The following NEBL variants were observed in gnomAD, a reference collection of about 807,000 sequenced individuals.
The protein encoded by NEBL is LIM and SH3 protein 2.
NEBL carries 122 observed loss-of-function variants against 140.2 expected under a neutral mutation model. That is an observed-to-expected ratio of 0.87 (90% confidence interval 0.75 to 1.01). The LOEUF (loss-of-function observed/expected upper bound fraction) is 1.01, where lower values mean the gene tolerates loss of function less well. Among genes scored for constraint, NEBL ranks in the 50% least tolerant of loss-of-function variants. NEBL has a pLI of 0.00. For synonymous variants in NEBL, 436 were observed against 398.9 expected (o/e 1.09, Z -1.11); for missense variants, 1,365 against 1,231.3 (o/e 1.11, Z -1.62).
At chr10:21,007,678 A>G (rs1396307070) in intron 3 of NEBL, among the ~76,000 whole-genome samples, 1 of 152,228 alleles carries the variant, frequency 6.6e-6, no homozygotes, top group Non-Finnish European at 1.5e-5. Flanking sequence ...GCAAAGGACA[A>G]AGATGAAAAC....
At chr10:21,111,940 A>C (rs653038) in intron 2 of NEBL, among the ~76,000 whole-genome samples, 1 of 152,300 alleles carries the variant, frequency 6.6e-6, no homozygotes. Context: ...GATATGAACA[A>C]ACACTTCTCA....
chr10:20,926,340 T>C (rs1201978633), intron 4 of NEBL, among the ~76,000 whole-genome samples: 1 of 152,250 alleles, frequency 6.6e-6, no homozygotes, highest in African/African-American at 2.4e-5. Flanking sequence ...CAATCCTTTA[T>C]AAAACTTGAC....
intron 11 of NEBL, among the ~76,000 whole-genome samples, chr10:20,846,602 G>A (rs1280817368): frequency 1.3e-5 from 2 of 152,026 alleles, no homozygotes; most frequent in Non-Finnish European, 2.9e-5. Context: ...CAAAAACAAC[G>A]ACTAGAAACT....
chr10:21,224,524 G>T (rs1842118089), intron 3 of NEBL, among the ~76,000 whole-genome samples: 1 of 152,064 alleles, frequency 6.6e-6, no homozygotes, highest in Non-Finnish European at 1.5e-5. Context: ...TACATTTTAA[G>T]ATTTTTTTTT....
At chr10:21,035,173 T>C (rs181303810) in intron 2 of NEBL, among the ~76,000 whole-genome samples, 2,445 of 152,088 alleles carry the variant, frequency 0.016, 59 homozygotes, top group African/African-American at 0.056. Context: ...AATTTTTGTA[T>C]TTTTAGCTGA....
intron 3 of NEBL, among the ~76,000 whole-genome samples, chr10:21,241,550 C>T (rs962895751): frequency 6.6e-6 from 1 of 152,148 alleles, no homozygotes; most frequent in African/African-American, 2.4e-5. Flanking sequence ...GAAAAATGTT[C>T]TTAGTGTATA....
At chr10:21,107,149 CT>C (rs1837755265) in intron 2 of NEBL, among the ~76,000 whole-genome samples, 1 of 152,212 alleles carries the variant, frequency 6.6e-6, no homozygotes, top group South Asian at 2.1e-4. Context: ...ATGACTTCCT[CT>C]TTTCCTAATT....
chr10:20,816,938 C>T (rs911023949), intron 21 of NEBL, among the ~76,000 whole-genome samples: 1 of 151,970 alleles, frequency 6.6e-6, no homozygotes, highest in African/African-American at 2.4e-5. Flanking sequence ...TCGGAGGAAG[C>T]GCAAGAACAG....
intron 3 of NEBL, among the ~76,000 whole-genome samples, chr10:21,193,788 T>A (rs1170415429): frequency 2.0e-5 from 3 of 152,204 alleles, no homozygotes; most frequent in Non-Finnish European, 2.9e-5. Flanking sequence ...GACTGTCACT[T>A]ACAGTGTAGC....
chr10:20,980,037 G>T (rs1423576973), intron 3 of NEBL, among the ~76,000 whole-genome samples: 1 of 147,036 alleles, frequency 6.8e-6, no homozygotes, highest in Non-Finnish European at 1.5e-5. Flanking sequence ...TTCTTTTAAA[G>T]TGTCTCATTT....
Position 20,821,521 on chromosome 10 carries a change from T to C in NEBL, c.1962+1687A>G, listed in dbSNP as rs146417978. On this transcript the variant is annotated intron_variant, in intron 19 of 27. Transcript: ENST00000377122. Reference sequence around the variant, plus strand: ...ATACTACAAATAACACCTACAATGTTATACTTTTTCATTAAATTAATTCAC... The same window carrying C: ...ATACTACAAATAACACCTACAATGTCATACTTTTTCATTAAATTAATTCAC... Among the ~76,000 whole-genome samples the C allele has an allele frequency of 3.8e-3, 582 of 152,340 alleles. 1 individual carries two copies. The highest frequency in any genetic ancestry group is 0.01 in the Middle Eastern group (3 of 294).
intron 3 of NEBL, among the ~76,000 whole-genome samples, chr10:21,227,156 T>C (rs1035641374): frequency 6.6e-6 from 1 of 152,144 alleles, no homozygotes; most frequent in African/African-American, 2.4e-5. Context: ...AATTTTCTGA[T>C]CTGTGAACTT....
chr10:20,978,549 G>C (rs1245928943), intron 3 of NEBL, among the ~76,000 whole-genome samples: 1 of 152,070 alleles, frequency 6.6e-6, no homozygotes, highest in African/African-American at 2.4e-5. Context: ...TTGAGGCCAG[G>C]AGTTCGAGAA....
At chr10:21,231,676 G>A (rs1842255321) in intron 3 of NEBL, among the ~76,000 whole-genome samples, 1 of 152,142 alleles carries the variant, frequency 6.6e-6, no homozygotes, top group Non-Finnish European at 1.5e-5. Flanking sequence ...GAAGATCTGG[G>A]GAGAGAACGT....
At chr10:21,126,712 G>T in intron 2 of NEBL, among the ~76,000 whole-genome samples, 1 of 152,068 alleles carries the variant, frequency 6.6e-6, no homozygotes, top group South Asian at 2.1e-4. Flanking sequence ...GGTGGCTCAT[G>T]CCTGTAATCC....
chr10:20,994,687 A>T (rs1363766622), intron 3 of NEBL, among the ~76,000 whole-genome samples: 1 of 152,252 alleles, frequency 6.6e-6, no homozygotes, highest in African/African-American at 2.4e-5. Flanking sequence ...TAACATAAAC[A>T]GTCGATTAAC....
chr10:20,957,073 T>C (rs1835840881), intron 4 of NEBL, among the ~76,000 whole-genome samples: 1 of 152,190 alleles, frequency 6.6e-6, no homozygotes. Context: ...ACCAAATCCC[T>C]AGATAATTGT....
chr10:21,092,472 A>G (rs1481006371), intron 2 of NEBL, among the ~76,000 whole-genome samples: 1 of 152,054 alleles, frequency 6.6e-6, no homozygotes, highest in African/African-American at 2.4e-5. Context: ...ATGTATTTGA[A>G]GTTCGTCTGA....
Position 21,153,917 on chromosome 10 carries a change from A to G in NEBL, c.164+18466T>C, listed in dbSNP as rs572789519. 3.9e-5 allele frequency among the ~76,000 whole-genome samples: 6 copies of G among 152,342 alleles called. No homozygotes were observed. The East Asian group carries it at 9.7e-4, about 25-fold the overall frequency. On this transcript the variant is annotated intron_variant, in intron 2 of 6. Transcript: ENST00000417816. ...CTCGTTATATTTGTTAAATGATGCAAAATGAAATAAGACCACATGAACAAA... is the reference window on the plus strand; with the variant it reads ...CTCGTTATATTTGTTAAATGATGCAGAATGAAATAAGACCACATGAACAAA...
Sources: allele counts gnomAD v4.1 joint callset (sites outside exome capture counted in the v4.1 genomes callset), GRCh38; gene constraint gnomAD v4.1.1; transcripts MANE v1.5; gene names NCBI Gene and HGNC (gene_info 2026-07-23, HGNC 2026-07-21).